Variants in PON1 observed in about 807,000 individuals in gnomAD.
PON1 encodes paraoxonase 1.
PON1 carries 37 observed loss-of-function variants against 39.2 expected under a neutral mutation model. That is an observed-to-expected ratio of 0.94 (90% CI 0.73 to 1.24). The LOEUF (loss-of-function observed/expected upper bound fraction) is 1.24. Ranked by LOEUF, PON1 falls within the 50% of genes most tolerant of loss-of-function variation. The pLI, the probability that PON1 is intolerant of heterozygous loss-of-function variation, is 0.00. For missense variants in PON1, 397 were observed against 413.5 expected, an observed-to-expected ratio of 0.96 and a Z score of 0.35; for synonymous variants, 148 against 152.2, an observed-to-expected ratio of 0.97 and a Z score of 0.21.
chr7:95,305,365 T>C (rs1807517411), intron 7 of PON1, among the ~76,000 whole-genome samples: 1 of 152,284 alleles, frequency 6.6e-6, no homozygotes, highest in South Asian at 2.1e-4. Flanking sequence ...ATGACCAGAA[T>C]TGGTGGGGGC....
At chr7:95,305,834 C>T (rs1010037509) in intron 7 of PON1, among the ~76,000 whole-genome samples, 6 of 152,008 alleles carry the variant, frequency 3.9e-5, no homozygotes, top group Non-Finnish European at 8.8e-5. Flanking sequence ...TAGCAGCCAT[C>T]GTGAGCACGT....
rs1248937826 is a variant in PON1, at chr7:95,311,469, CT to C, written c.478del (p.Arg160AspfsTer8). On this transcript the variant is annotated frameshift_variant, in exon 5 of 9. Transcript: ENST00000222381. LOFTEE classifies it high-confidence loss of function. The stretch of plus-strand genomic sequence containing the variant: ...TCAGTACTTAGGCAGAAGTTTATGT[CT>C]GATGGTTTTTAGATGCAAAAGCGAT... Reference protein sequence around the residue: ...EKSLLHLKTIRHKLLPNLNDI... With the variant: ...EKSLLHLKTIXHKLLPNLNDI... 1 of 1,614,032 alleles carries C rather than the reference CT, an allele frequency of 6.2e-7. No individual in the cohort carries two copies. The highest frequency in any genetic ancestry group is 8.5e-7 in the Non-Finnish European group (1 of 1,179,930).
rs1426394187 is a variant in PON1, at chr7:95,318,659, G to A, written c.75-266C>T. 1.6e-4 allele frequency: 60 copies of A among 386,556 alleles called. No individual in the cohort carries two copies. The Middle Eastern group carries it at 2.3e-3, about 15-fold the overall frequency. The allele number at this position is 386,556 out of a possible 1,614,324, so 23.9% of individuals were successfully genotyped here. A position where few individuals can be genotyped will look rare whatever the true frequency, so the allele number is the denominator to read the frequency against. Reference sequence around the variant, plus strand: ...CTCTAGGGCTCTGTGTACTTTGGCAGGAACAGGAGCAATTTCATCAGTGTG... The same window carrying A: ...CTCTAGGGCTCTGTGTACTTTGGCAAGAACAGGAGCAATTTCATCAGTGTG... On this transcript the variant is annotated intron_variant, in intron 1 of 8. Transcript: ENST00000222381.
intron 7 of PON1, among the ~76,000 whole-genome samples, chr7:95,305,591 G>C (rs1807521659): frequency 1.3e-5 from 2 of 152,158 alleles, no homozygotes; most frequent in Non-Finnish European, 2.9e-5. Flanking sequence ...AATAAAGCAG[G>C]AAAGGCGAGG....
chr7:95,323,280 A>ATTTT (rs769934261), intron 1 of PON1, among the ~76,000 whole-genome samples: 13 of 152,002 alleles, frequency 8.6e-5, no homozygotes, highest in Non-Finnish European at 1.8e-4. Context: ...TTATCTATAT[A>ATTTT]TTTTTATCTA....
chr7:95,305,286 G>A (rs757505023), intron 7 of PON1, among the ~76,000 whole-genome samples: 3 of 152,100 alleles, frequency 2.0e-5, no homozygotes, highest in Non-Finnish European at 2.9e-5. Flanking sequence ...CTTTCTTAGG[G>A]CTCTAGTTTG....
rs572298396 is a variant in PON1, at chr7:95,311,649, A to G, written c.371-72T>C. On this transcript the variant is annotated intron_variant, in intron 4 of 8. Transcript: ENST00000222381. ...CTGTCAGCCCTCTCTCCAAAAACCA[A>G]TTTCAACCCACCTCCAGCTAGTAGT... The G allele has an allele frequency of 1.1e-3, 1,614 of 1,515,568 alleles. 4 individuals carry two copies. The highest frequency in any genetic ancestry group is 1.4e-3 in the Non-Finnish European group (1,477 of 1,092,660). The allele number at this position is 1,515,568 out of a possible 1,614,324, so 93.9% of individuals were successfully genotyped here.
chr7:95,316,861 C>T, intron 2 of PON1, 72 bp from the exon 3 acceptor site: 2 of 1,157,260 alleles, frequency 1.7e-6, no homozygotes, highest in Non-Finnish European at 2.6e-6. Context: ...TTCTTTATCA[C>T]ACCTCACTTG....
Position 95,311,458 on chromosome 7 carries a change from G to A in PON1, c.490C>T (p.Leu164=). ...LHLKTIRHKL[L]PNLNDIVAVG... ...TGTGATATATCTCAGTACTTAGGCAGAAGTTTATGTCTGATGGTTTTTAGA... is the reference window on the plus strand; with the variant it reads ...TGTGATATATCTCAGTACTTAGGCAAAAGTTTATGTCTGATGGTTTTTAGA... The change falls in exon 5 of 9, where the codon CTG becomes TTG. Residue 164 remains leucine, a synonymous_variant. Coordinates refer to ENST00000222381, the MANE Select transcript of PON1 (RefSeq NM_000446.7). The A allele has an allele frequency of 1.2e-6, 2 of 1,613,826 alleles. No individual in the cohort carries two copies. Among genetic ancestry groups the A allele is most frequent in the East Asian group, 4.5e-5 (2 of 44,870 alleles).
intron 2 of PON1, 96 bp from the exon 3 acceptor site, chr7:95,316,885 ACAT>A: frequency 1.1e-6 from 1 of 872,250 alleles, no homozygotes; most frequent in Non-Finnish European, 2.0e-6. Context: ...CTGGGGCTAT[ACAT>A]CACTCTTCTT....
At position 95,308,140 on chromosome 7, in the gene PON1, T is replaced by G. The variant is rs2116309404; in HGVS notation, c.569A>C (p.Tyr190Ser). The G allele has an allele frequency of 6.2e-7, 1 of 1,614,044 alleles. No individual in the cohort carries two copies. The highest frequency in any genetic ancestry group is 8.5e-7 in the Non-Finnish European group (1 of 1,179,978). The change falls in exon 6 of 9, where the codon TAC (tyrosine) becomes TCC (serine). Residue 190 changes from tyrosine (Y) to serine (S), a missense_variant. Coordinates refer to ENST00000222381, the MANE Select transcript of PON1 (RefSeq NM_000446.7). ...CAAATACATCTCCCAGGATTGTAAG[T>G]AGGGGTCAAGAAAATAGTGATCATT... Reference protein sequence around the residue: ...GTNDHYFLDPYLQSWEMYLGL... With the variant: ...GTNDHYFLDPSLQSWEMYLGL...
At chr7:95,307,201 A>T (rs1222390546) in intron 6 of PON1, among the ~76,000 whole-genome samples, 2 of 151,916 alleles carry the variant, frequency 1.3e-5, no homozygotes, top group Non-Finnish European at 2.9e-5. Context: ...CTGGGATTAC[A>T]GGAGTGCGCC....
At position 95,322,362 on chromosome 7, in the gene PON1, A is replaced by G. The variant is rs1452104120; in HGVS notation, c.74+2040T>C. Among the ~76,000 whole-genome samples the G allele has an allele frequency of 7.1e-3, 1,065 of 150,044 alleles. 11 individuals carry two copies. Among genetic ancestry groups the G allele is most frequent in the African/African-American group, 0.025 (999 of 40,592 alleles). On this transcript the variant is annotated intron_variant, in intron 1 of 8. Coordinates refer to ENST00000222381, the MANE Select transcript of PON1 (RefSeq NM_000446.7). ...TGTGTGTGTGTGTGTATATATATATATATATGCTGTAATATGTATTATTAT... is the reference window on the plus strand; with the variant it reads ...TGTGTGTGTGTGTGTATATATATATGTATATGCTGTAATATGTATTATTAT...
chr7:95,311,524 C>T lies in PON1; in HGVS notation c.424G>A (p.Glu142Lys). The change falls in exon 5 of 9, where the codon GAG becomes AAG. Residue 142 changes from glutamate to lysine, a missense_variant. By Grantham distance (56) the Glu-to-Lys change is moderately conservative. Coordinates refer to ENST00000222381, the MANE Select transcript of PON1 (RefSeq NM_000446.7). ...VNHPDAKSTV[E>K]LFKFQEEEKS... ...TCTTCTTCTTGAAATTTAAACAACT[C>T]CACTGTGGACTTGGCATCTGGATGG... The T allele has an allele frequency of 3.1e-6, 5 of 1,614,012 alleles. No individual in the cohort carries two copies. The highest frequency in any genetic ancestry group is 4.2e-6 in the Non-Finnish European group (5 of 1,179,896).
chr7:95,301,969 C>T (rs1208054243), intron 8 of PON1, among the ~76,000 whole-genome samples: 8 of 150,160 alleles, frequency 5.3e-5, no homozygotes, highest in Admixed American at 6.6e-5. Context: ...TGGTGGCATG[C>T]GCCTGTGGTC....
chr7:95,299,311 G>GT (rs992467812), intron 8 of PON1, among the ~76,000 whole-genome samples: 1 of 152,174 alleles, frequency 6.6e-6, no homozygotes, highest in African/African-American at 2.4e-5. Flanking sequence ...GAGGTGGAGA[G>GT]TATCTAGACC....
At chr7:95,307,603 T>C (rs1391814436) in intron 6 of PON1, among the ~76,000 whole-genome samples, 1 of 152,218 alleles carries the variant, frequency 6.6e-6, no homozygotes, top group Non-Finnish European at 1.5e-5. Flanking sequence ...AGTAATACTT[T>C]CTTGATGAAG....
intron 1 of PON1, among the ~76,000 whole-genome samples, chr7:95,320,824 C>G (rs1294211625): frequency 1.3e-5 from 2 of 152,176 alleles, no homozygotes; most frequent in African/African-American, 4.8e-5. Context: ...AGATAAGGGT[C>G]AATGTCTGAG....
Position 95,298,780 on chromosome 7 carries a change from C to G in PON1, c.*164G>C, listed in dbSNP as rs1807348203. On this transcript the variant is annotated 3_prime_UTR_variant, in exon 9 of 9. Coordinates refer to ENST00000222381, the MANE Select transcript of PON1 (RefSeq NM_000446.7). ...TGATAGTGTATTCTCAAAAAAAAGCCCTACACATCATATCACTCCCAGTTA... is the reference window on the plus strand; with the variant it reads ...TGATAGTGTATTCTCAAAAAAAAGCGCTACACATCATATCACTCCCAGTTA... The G allele has an allele frequency of 2.5e-6, 2 of 811,864 alleles. No individual in the cohort carries two copies. Among genetic ancestry groups the G allele is most frequent in the Non-Finnish European group, 4.1e-6 (2 of 486,786 alleles). The allele number at this position is 811,864 out of a possible 1,614,324, so 50.3% of individuals were successfully genotyped here.
Sources: allele counts gnomAD v4.1 joint callset (sites outside exome capture counted in the v4.1 genomes callset), GRCh38; gene constraint gnomAD v4.1.1; transcripts MANE v1.5; gene names NCBI Gene and HGNC (gene_info 2026-07-23, HGNC 2026-07-21).